ELP4: variants seen among roughly 807,000 people sequenced by gnomAD.
The protein encoded by ELP4 is elongator acetyltransferase complex subunit 4.
ELP4 carries 51 observed loss-of-function variants against 48.9 expected under a neutral mutation model. The ratio of observed to expected loss-of-function variants is 1.04; its 90% CI spans 0.83 to 1.32. ELP4 has a LOEUF of 1.32. Ranked by LOEUF, ELP4 falls within the 40% of genes most tolerant of loss-of-function variation. The pLI is 0.00. For missense variants in ELP4, 519 were observed against 514.6 expected, an observed-to-expected ratio of 1.01 and a Z score of -0.08; for synonymous variants, 210 against 189.2, an observed-to-expected ratio of 1.11 and a Z score of -0.90.
chr11:31,746,287 G>T (rs1947588675), intron 9 of ELP4, among the ~76,000 whole-genome samples: 2 of 152,172 alleles, frequency 1.3e-5, no homozygotes, highest in South Asian at 2.1e-4. Context: ...TACACTGTTG[G>T]TGGGACTGTA....
At chr11:31,589,563 C>T (rs965252438) in intron 3 of ELP4, among the ~76,000 whole-genome samples, 2 of 152,098 alleles carry the variant, frequency 1.3e-5, no homozygotes, top group African/African-American at 4.8e-5. Flanking sequence ...TCTTCACATA[C>T]CTGAATCTCT....
intron 9 of ELP4, chr11:31,714,622 T>G (rs1246507099): frequency 2.5e-6 from 1 of 398,434 alleles, no homozygotes; most frequent in Non-Finnish European, 4.4e-6. Flanking sequence ...TTTCCTACGG[T>G]TCTGGCAGGC....
intron 3 of ELP4, among the ~76,000 whole-genome samples, chr11:31,580,238 TA>T (rs1957365637): frequency 6.6e-6 from 1 of 152,232 alleles, no homozygotes; most frequent in South Asian, 2.1e-4. Context: ...TGATTGGTTT[TA>T]GAAGCATACT....
In ELP4 at chr11:31,750,055, G is replaced by A. The variant is rs577283321; in HGVS notation, c.1144-33338G>A. On this transcript the variant is annotated intron_variant, in intron 9 of 9. Coordinates refer to ENST00000640961, the MANE Select transcript of ELP4 (RefSeq NM_019040.5). ...TTTTTTTGTATTTTTTACTAGAGAC[G>A]GGGTTTCACCGTGTTAGCCAGGATG... is the stretch of plus-strand genomic sequence containing the variant. Among the ~76,000 whole-genome samples the A allele has an allele frequency of 1.1e-4, 16 of 151,280 alleles. No individual in the cohort carries two copies. In the East Asian group the frequency reaches 1.4e-3, roughly 13 times the overall value.
At chr11:31,625,020 A>G (rs1052516088) in intron 5 of ELP4, among the ~76,000 whole-genome samples, 9 of 151,248 alleles carry the variant, frequency 6.0e-5, no homozygotes, top group Non-Finnish European at 1.0e-4. Context: ...TCTTATTGTT[A>G]GCTTTTTTTT....
chr11:31,611,327 T>A (rs1228072045), intron 5 of ELP4, among the ~76,000 whole-genome samples: 1 of 152,234 alleles, frequency 6.6e-6, no homozygotes, highest in Non-Finnish European at 1.5e-5. Context: ...TTAATTTAAG[T>A]AGCCATATAT....
At chr11:31,652,606 T>G (rs1355916770) in intron 9 of ELP4, 2 of 151,778 alleles carry the variant, frequency 1.3e-5, no homozygotes, top group Non-Finnish European at 2.9e-5. Context: ...TGTCCTCATA[T>G]TTTTTTAAAA....
In ELP4 at chr11:31,789,492, TA is replaced by T; in HGVS notation, c.*5969del. On this transcript the variant is annotated 3_prime_UTR_variant, in exon 10 of 10. Transcript: ENST00000640961. ...AAACTTGGAACATCAGTCCATAAACTATGAACAGATGGGTAGAAGTATTCGA... is the reference window on the plus strand; with the variant it reads ...AAACTTGGAACATCAGTCCATAAACTTGAACAGATGGGTAGAAGTATTCGA... 2 of 562,514 alleles carry T rather than the reference TA, an allele frequency of 3.6e-6. No individual in the cohort carries two copies. Among genetic ancestry groups the T allele is most frequent in the East Asian group, 5.8e-5 (2 of 34,642 alleles). 34.8% of individuals were successfully genotyped at this position (562,514 alleles called of 1,614,324 possible). A position where few individuals can be genotyped will look rare whatever the true frequency, so the allele number is the denominator to read the frequency against.
At chr11:31,767,266 G>A (rs1046961117) in intron 9 of ELP4, 1 of 151,994 alleles carries the variant, frequency 6.6e-6, no homozygotes, top group Admixed American at 6.6e-5. Flanking sequence ...CAAACTTCAG[G>A]GTTTCTACTT....
At position 31,520,156 on chromosome 11, in the gene ELP4, T is replaced by A. The variant is rs1956189339; in HGVS notation, c.259+65T>A. The A allele has an allele frequency of 2.2e-6, 3 of 1,365,290 alleles. No homozygotes were observed. In the African/African-American group the frequency reaches 4.4e-5, roughly 20 times the overall value. 84.6% of individuals were successfully genotyped at this position (1,365,290 alleles called of 1,614,324 possible). A position where few individuals can be genotyped will look rare whatever the true frequency, so the allele number is the denominator to read the frequency against. On this transcript the variant is annotated intron_variant, in intron 2 of 9. Coordinates refer to ENST00000640961, the MANE Select transcript of ELP4 (RefSeq NM_019040.5). ...TTTTCTGTTGTGCATAATCATTTTA[T>A]CCAATTCCCATTCCAAAATTATTTA...
intron 9 of ELP4, among the ~76,000 whole-genome samples, chr11:31,760,621 A>G (rs1947925324): frequency 6.6e-6 from 1 of 152,234 alleles, no homozygotes. Context: ...TATAAGTTAA[A>G]TAGCATATTT....
At chr11:31,642,301 A>C (rs1945115422) in intron 7 of ELP4, among the ~76,000 whole-genome samples, 1 of 151,960 alleles carries the variant, frequency 6.6e-6, no homozygotes, top group Non-Finnish European at 1.5e-5. Context: ...TATAATATAA[A>C]CAATATTTCT....
chr11:31,607,518 A>G lies in ELP4; in HGVS notation c.653+3611A>G, dbSNP rs78625051. On this transcript the variant is annotated intron_variant, in intron 5 of 9. Transcript: ENST00000640961. ...CAAAATGCTGTGTGAAGCCTTCTAT[A>G]TAAGGGCCTTAATCCCGTTTTTGAG... Among the ~76,000 whole-genome samples the G allele has an allele frequency of 6.2e-3, 940 of 152,276 alleles. 11 individuals carry two copies. The highest frequency in any genetic ancestry group is 0.022 in the African/African-American group (895 of 41,550).
intron 2 of ELP4, among the ~76,000 whole-genome samples, chr11:31,523,163 C>T (rs957898517): frequency 1.3e-5 from 2 of 152,036 alleles, no homozygotes; most frequent in African/African-American, 4.8e-5. Context: ...TGAGCCACTG[C>T]ATCTGGCCCC....
intron 9 of ELP4, among the ~76,000 whole-genome samples, chr11:31,765,330 C>T (rs1463275264): frequency 6.6e-6 from 1 of 152,114 alleles, no homozygotes; most frequent in Non-Finnish European, 1.5e-5. Context: ...GCAATATCAT[C>T]GTGAATGTTA....
intron 9 of ELP4, among the ~76,000 whole-genome samples, chr11:31,782,600 C>T (rs1948402748): frequency 6.6e-6 from 1 of 152,090 alleles, no homozygotes. Context: ...ATGTTTCTCC[C>T]TAATTGCAGT....
At chr11:31,783,335 A>G (rs1948422297) in intron 9 of ELP4, 58 bp from the exon 10 acceptor site, 1 of 1,544,884 alleles carries the variant, frequency 6.5e-7, no homozygotes, top group African/African-American at 1.4e-5. Flanking sequence ...AGCCAAAGCA[A>G]AATTAATTTT....
intron 9 of ELP4, among the ~76,000 whole-genome samples, chr11:31,720,254 C>T (rs1250984898): frequency 2.0e-5 from 3 of 152,162 alleles, no homozygotes; most frequent in Non-Finnish European, 4.4e-5. Context: ...ATTTCAAATG[C>T]TGTTTGTCCT....
chr11:31,634,363 C>T (rs1427287996), intron 7 of ELP4: 1 of 151,822 alleles, frequency 6.6e-6, no homozygotes, highest in African/African-American at 2.4e-5. Flanking sequence ...TGAAAATATG[C>T]TTCCTTTTGC....
Sources: gnomAD v4.1 joint callset for allele counts (sites outside exome capture counted in the v4.1 genomes callset) on GRCh38, gnomAD v4.1.1 for gene constraint, MANE v1.5 for transcripts, NCBI Gene and HGNC (gene_info 2026-07-23, HGNC 2026-07-21) for gene names.